VGLL4: variants seen among roughly 807,000 people sequenced by gnomAD.
VGLL4 encodes the protein transcription cofactor vestigial-like protein 4.
In VGLL4, 7 loss-of-function variants were observed where a neutral mutation model predicts 21.0. The ratio of observed to expected loss-of-function variants is 0.33; its 90% CI spans 0.19 to 0.63. The LOEUF (loss-of-function observed/expected upper bound fraction) is 0.63. VGLL4 is among the 20% of genes least tolerant of loss of function. The pLI, the probability that VGLL4 is intolerant of heterozygous loss-of-function variation, is 0.78. For missense variants in VGLL4, 394 were observed against 425.7 expected (o/e 0.93, Z 0.66); for synonymous variants, 222 against 173.2 (o/e 1.28, Z -2.21).
chr3:11,701,940 T>C (rs2076686635), intron 2 of VGLL4, among the ~76,000 whole-genome samples: 1 of 152,246 alleles, frequency 6.6e-6, no homozygotes. Context: ...AAATATATTG[T>C]TGGGTGAGCA....
chr3:11,721,373 G>A (rs1216009444), upstream of VGLL4: 1 of 152,250 alleles, frequency 6.6e-6, no homozygotes, highest in Non-Finnish European at 1.5e-5. Flanking sequence ...AAAGCAGGTG[G>A]AGGTGTTGCC....
chr3:11,623,618 C>T (rs1298928037), intron 1 of VGLL4, among the ~76,000 whole-genome samples: 1 of 152,152 alleles, frequency 6.6e-6, no homozygotes, highest in Non-Finnish European at 1.5e-5. Flanking sequence ...GTCTAACTGT[C>T]TGCAGGTGAC....
At chr3:11,569,121 C>A (rs1040062221) in intron 2 of VGLL4, among the ~76,000 whole-genome samples, 4 of 152,192 alleles carry the variant, frequency 2.6e-5, no homozygotes, top group African/African-American at 9.6e-5. Flanking sequence ...GAATCCATCA[C>A]GTGAAAGAAG....
rs530864096 is a variant in VGLL4 at position 11,580,320 on chromosome 3, G to A, written c.273-15301C>T. 7.4e-4 allele frequency among the ~76,000 whole-genome samples: 113 copies of A among 152,188 alleles called. 1 individual carries two copies. Among genetic ancestry groups the A allele is most frequent in the Admixed American group, 3.3e-4 (5 of 15,280 alleles). On this transcript the variant is annotated intron_variant, in intron 2 of 4. Transcript: ENST00000430365. ...TGCATCTGTGTGGTAGCATGGGTCC[G>A]AATCTCCTTCCTTTTTAAGGCTGAG...
chr3:11,645,407 G>A (rs1057196241), upstream of VGLL4, among the ~76,000 whole-genome samples: 25 of 148,988 alleles, frequency 1.7e-4, no homozygotes, highest in African/African-American at 6.2e-4. Flanking sequence ...TGGCTAACAC[G>A]GTGAAACCCC....
chr3:11,700,648 A>G (rs2076668616), intron 2 of VGLL4, among the ~76,000 whole-genome samples: 1 of 152,190 alleles, frequency 6.6e-6, no homozygotes, highest in African/African-American at 2.4e-5. Context: ...ACCACATTTT[A>G]GGAGGGGCAC....
chr3:11,666,613 A>G (rs1381452090), intron 2 of VGLL4, among the ~76,000 whole-genome samples: 1 of 152,234 alleles, frequency 6.6e-6, no homozygotes, highest in Non-Finnish European at 1.5e-5. Context: ...GAGATGTGAG[A>G]GAAACAGAAT....
intron 1 of VGLL4, among the ~76,000 whole-genome samples, chr3:11,634,214 C>T (rs537780113): frequency 1.3e-5 from 2 of 152,274 alleles, no homozygotes; most frequent in African/African-American, 4.8e-5. Context: ...TATGAGCTCA[C>T]CCCAGAACCT....
chr3:11,649,949 G>T (rs1192901836), intron 2 of VGLL4, among the ~76,000 whole-genome samples: 1 of 123,738 alleles, frequency 8.1e-6, no homozygotes, highest in Admixed American at 8.6e-5. Flanking sequence ...GGTTTGGTTT[G>T]GTTTTTTTGA....
chr3:11,622,106 A>G (rs2075275596), intron 1 of VGLL4, among the ~76,000 whole-genome samples: 2 of 152,234 alleles, frequency 1.3e-5, no homozygotes, highest in Non-Finnish European at 2.9e-5. Context: ...TTTCCTTCAA[A>G]TCTATTATTA....
chr3:11,635,988 A>G (rs1323071381), intron 1 of VGLL4, among the ~76,000 whole-genome samples: 2 of 152,350 alleles, frequency 1.3e-5, no homozygotes, highest in East Asian at 3.9e-4. Flanking sequence ...CCAATAGTTT[A>G]TCAGTGGCTC....
In VGLL4 at chr3:11,556,860, G is replaced by A. The variant is rs985086735; in HGVS notation, c.*1696C>T. 1 of 152,832 alleles carries A rather than the reference G, an allele frequency of 6.5e-6. No individual in the cohort carries two copies. Among genetic ancestry groups the A allele is most frequent in the Non-Finnish European group, 1.5e-5 (1 of 68,052 alleles). The allele number at this position is 152,832 out of a possible 1,614,324, so 9.5% of individuals were successfully genotyped here. A position where few individuals can be genotyped will look rare whatever the true frequency, so the allele number is the denominator to read the frequency against. ...CTTGGAAGCCCAGTACAGTGGGAGT[G>A]AAATGTGTGCGGGGCAAGGAGAAGG... On this transcript the variant is annotated 3_prime_UTR_variant, in exon 5 of 5. Coordinates refer to ENST00000430365, the MANE Select transcript of VGLL4 (RefSeq NM_001128219.3).
intron 2 of VGLL4, among the ~76,000 whole-genome samples, chr3:11,566,813 C>T (rs1406491391): frequency 6.6e-6 from 1 of 152,188 alleles, no homozygotes; most frequent in Non-Finnish European, 1.5e-5. Flanking sequence ...CCTCCTCACA[C>T]ACGGCAGCCT....
chr3:11,615,023 G>A (rs940292239), intron 1 of VGLL4, among the ~76,000 whole-genome samples: 34 of 152,204 alleles, frequency 2.2e-4, no homozygotes, highest in African/African-American at 7.7e-4. Context: ...ATGCATACAC[G>A]TTTTCTTGCT....
At position 11,558,193 on chromosome 3, in the gene VGLL4, C is replaced by A; in HGVS notation, c.*363G>T. Reference sequence around the variant, plus strand: ...GTCTCAAGAAGCAAAGGAAAAAGCACAAAGCGTCTGAGTCACCAATTCATC... The same window carrying A: ...GTCTCAAGAAGCAAAGGAAAAAGCAAAAAGCGTCTGAGTCACCAATTCATC... On this transcript the variant is annotated 3_prime_UTR_variant, in exon 5 of 5. Transcript: ENST00000430365. 1 of 308,732 alleles carries A rather than the reference C, an allele frequency of 3.2e-6. No individual in the cohort carries two copies. The highest frequency in any genetic ancestry group is 6.0e-6 in the Non-Finnish European group (1 of 165,984). 19.1% of individuals were successfully genotyped at this position (308,732 alleles called of 1,614,324 possible). A position where few individuals can be genotyped will look rare whatever the true frequency, so the allele number is the denominator to read the frequency against.
rs77793747 is a variant in VGLL4, at chr3:11,719,088, T to A, written c.-14+1306A>T. Among the ~76,000 whole-genome samples the A allele has an allele frequency of 7.1e-3, 1,074 of 152,224 alleles. 47 individuals carry two copies. In the East Asian group the frequency reaches 0.11, roughly 15 times the overall value. ...GGTGCAGGGAGAGTGTGCAGTCCTG[T>A]TTTGGGGACCGGGCAGGAAGCACAG... On this transcript the variant is annotated intron_variant, in intron 1 of 5. Transcript: ENST00000273038. The surrounding 1 kb of genome is among the most constrained non-coding windows in gnomAD (Gnocchi z 4.0).
chr3:11,613,073 A>C (rs2075093341), intron 1 of VGLL4, among the ~76,000 whole-genome samples: 1 of 152,274 alleles, frequency 6.6e-6, no homozygotes, highest in Middle Eastern at 3.4e-3. Context: ...GCAAAAAAAA[A>C]AAGAGGCTTG....
intron 1 of VGLL4, among the ~76,000 whole-genome samples, chr3:11,642,891 C>G (rs73814965): frequency 0.2 from 30,411 of 152,114 alleles, 4,551 homozygotes; most frequent in African/African-American, 0.41. Flanking sequence ...ACAAAGAGCC[C>G]GCCTGTGCTC....
At position 11,558,286 on chromosome 3, in the gene VGLL4, T is replaced by G; in HGVS notation, c.*270A>C. On this transcript the variant is annotated 3_prime_UTR_variant, in exon 5 of 5. Coordinates refer to ENST00000430365, the MANE Select transcript of VGLL4 (RefSeq NM_001128219.3). ...CGGGGCAGCAGACCTGCATCAGAGG[T>G]TTCTTTGGTAACTGAGGCAGGAAGT... 1.9e-6 allele frequency: 1 copy of G among 536,788 alleles called. No individual in the cohort carries two copies. Among genetic ancestry groups the G allele is most frequent in the Non-Finnish European group, 3.2e-6 (1 of 311,252 alleles). 33.3% of individuals were successfully genotyped at this position (536,788 alleles called of 1,614,324 possible).
Sources: allele counts gnomAD v4.1 joint callset (sites outside exome capture counted in the v4.1 genomes callset), GRCh38; gene constraint gnomAD v4.1.1; non-coding constraint Gnocchi (gnomAD v3.1); transcripts MANE v1.5; gene names NCBI Gene and HGNC (gene_info 2026-07-23, HGNC 2026-07-21).